Variants in KCNJ3 observed in about 807,000 individuals in gnomAD.
KCNJ3 encodes the protein G protein-activated inward rectifier potassium channel 1.
A neutral mutation model predicts 39.2 loss-of-function variants in KCNJ3; 4 were observed. The observed-to-expected ratio is 0.10, with a 90% CI of 0.05 to 0.23. The LOEUF (loss-of-function observed/expected upper bound fraction) is 0.23, where lower values mean the gene tolerates loss of function less well. Among genes scored for constraint, KCNJ3 ranks in the 10% least tolerant of loss-of-function variants. The probability of loss-of-function intolerance (pLI) is 1.00; values close to 1 mark genes in which losing one functional copy is unlikely to be tolerated. For synonymous variants in KCNJ3, 230 were observed against 237.4 expected (o/e 0.97, Z 0.29); for missense variants, 276 against 634.9 (o/e 0.43, Z 6.08).
chr2:154,768,583 A>G (rs6751331), intron 2 of KCNJ3, among the ~76,000 whole-genome samples: 53,241 of 151,986 alleles, frequency 0.35, 10,113 homozygotes, highest in Non-Finnish European at 0.43. Context: ...TGTTTTGGTT[A>G]CTGTAGCCTT....
At chr2:154,746,145 G>A (rs774373347) in intron 2 of KCNJ3, among the ~76,000 whole-genome samples, 36 of 151,814 alleles carry the variant, frequency 2.4e-4, no homozygotes, top group Non-Finnish European at 4.0e-4. Flanking sequence ...TCTCTTCCTC[G>A]TGATGGTTTT....
chr2:154,768,795 G>T (rs904163491), intron 2 of KCNJ3, among the ~76,000 whole-genome samples: 1 of 152,130 alleles, frequency 6.6e-6, no homozygotes, highest in African/African-American at 2.4e-5. Flanking sequence ...CCATTTTCAC[G>T]ATATTGATTC....
At chr2:154,784,574 C>A (rs781316776) in intron 2 of KCNJ3, among the ~76,000 whole-genome samples, 8 of 151,972 alleles carry the variant, frequency 5.3e-5, no homozygotes, top group Non-Finnish European at 1.0e-4. Flanking sequence ...GTAGAGACAG[C>A]GTTTCACCAT....
chr2:154,728,240 G>A (rs952638836), intron 2 of KCNJ3, among the ~76,000 whole-genome samples: 3 of 151,926 alleles, frequency 2.0e-5, no homozygotes, highest in East Asian at 1.9e-4. Context: ...GGTTATAGCC[G>A]GTAAAATTAC....
chr2:154,793,627 A>G (rs1319421695), intron 2 of KCNJ3, among the ~76,000 whole-genome samples: 1 of 152,108 alleles, frequency 6.6e-6, no homozygotes, highest in African/African-American at 2.4e-5. Context: ...CTGTATCTGT[A>G]GTTTAAAACA....
chr2:154,827,029 T>G (rs1687283330), intron 2 of KCNJ3, among the ~76,000 whole-genome samples: 1 of 152,194 alleles, frequency 6.6e-6, no homozygotes, highest in Admixed American at 6.5e-5. Flanking sequence ...TGTCTCTGTT[T>G]AGCTGAGCGT....
At chr2:154,790,164 A>C (rs996029464) in intron 2 of KCNJ3, among the ~76,000 whole-genome samples, 1 of 152,052 alleles carries the variant, frequency 6.6e-6, no homozygotes, top group Admixed American at 6.6e-5. Context: ...CAAAAATAGC[A>C]CAGTGTTCAA....
intron 2 of KCNJ3, among the ~76,000 whole-genome samples, chr2:154,751,580 T>C (rs1685845627): frequency 6.6e-6 from 1 of 152,114 alleles, no homozygotes; most frequent in Non-Finnish European, 1.5e-5. Flanking sequence ...GGCTGAAAGG[T>C]TAAAGCAGTC....
intron 2 of KCNJ3, among the ~76,000 whole-genome samples, chr2:154,743,987 T>G (rs1685695748): frequency 1.3e-5 from 2 of 151,730 alleles, no homozygotes; most frequent in South Asian, 4.2e-4. Context: ...TAGACATTCT[T>G]TATAAAGTTG....
At chr2:154,845,850 G>T (rs1251494151) in intron 2 of KCNJ3, among the ~76,000 whole-genome samples, 1 of 151,900 alleles carries the variant, frequency 6.6e-6, no homozygotes, top group African/African-American at 2.4e-5. Flanking sequence ...TGTGCCTGTA[G>T]TCTTAGCTAC....
intron 2 of KCNJ3, among the ~76,000 whole-genome samples, chr2:154,765,444 A>C (rs1212348416): frequency 6.6e-6 from 1 of 152,176 alleles, no homozygotes; most frequent in Non-Finnish European, 1.5e-5. Context: ...TGTAAAGCCC[A>C]AAAAGAAGTG....
chr2:154,855,327 T>C lies in KCNJ3; in HGVS notation c.*14T>C, dbSNP rs1400332065. 1.3e-6 allele frequency: 2 copies of C among 1,510,070 alleles called. No individual in the cohort carries two copies. The allele number at this position is 1,510,070 out of a possible 1,614,324, so 93.5% of individuals were successfully genotyped here. A position where few individuals can be genotyped will look rare whatever the true frequency, so the allele number is the denominator to read the frequency against. On this transcript the variant is annotated 3_prime_UTR_variant, in exon 3 of 3. Coordinates refer to ENST00000295101, the MANE Select transcript of KCNJ3 (RefSeq NM_002239.4). Reference sequence around the variant, plus strand: ...CGCTTCACATAACAAAGCACTCCCTTAGGCATTATTTAATGTTTGATTTAG... The same window carrying C: ...CGCTTCACATAACAAAGCACTCCCTCAGGCATTATTTAATGTTTGATTTAG...
intron 2 of KCNJ3, among the ~76,000 whole-genome samples, chr2:154,824,298 T>C (rs963438853): frequency 2.0e-5 from 3 of 152,090 alleles, no homozygotes; most frequent in African/African-American, 7.2e-5. Context: ...ATCGCGCCAC[T>C]GCACTCCAGT....
At chr2:154,848,828 T>G (rs938920159) in intron 2 of KCNJ3, among the ~76,000 whole-genome samples, 11 of 152,162 alleles carry the variant, frequency 7.2e-5, no homozygotes, top group African/African-American at 2.7e-4. Context: ...CAGGGAGTTG[T>G]GCAGAGTGCC....
chr2:154,748,295 C>T (rs1248708395), intron 2 of KCNJ3, among the ~76,000 whole-genome samples: 1 of 151,672 alleles, frequency 6.6e-6, no homozygotes, highest in Non-Finnish European at 1.5e-5. Flanking sequence ...TGATTTATTT[C>T]CTTCTCTCTT....
chr2:154,823,866 C>T (rs1687224200), intron 2 of KCNJ3, among the ~76,000 whole-genome samples: 1 of 151,958 alleles, frequency 6.6e-6, no homozygotes, highest in Non-Finnish European at 1.5e-5. Flanking sequence ...CGTCTTTGAT[C>T]TTATGACTTT....
intron 2 of KCNJ3, among the ~76,000 whole-genome samples, chr2:154,780,036 A>G (rs1314244832): frequency 1.3e-5 from 2 of 152,202 alleles, no homozygotes; most frequent in South Asian, 2.1e-4. Flanking sequence ...CACTCTAATA[A>G]CAGTATGTCA....
chr2:154,847,028 A>G (rs1438783804), intron 2 of KCNJ3, among the ~76,000 whole-genome samples: 1 of 152,174 alleles, frequency 6.6e-6, no homozygotes, highest in Non-Finnish European at 1.5e-5. Context: ...AATGCATGCC[A>G]GAACCTTCTA....
At chr2:154,753,811 A>G (rs1295826836) in intron 2 of KCNJ3, among the ~76,000 whole-genome samples, 1 of 152,162 alleles carries the variant, frequency 6.6e-6, no homozygotes, top group Non-Finnish European at 1.5e-5. Context: ...AGATTTGTTC[A>G]TTTATTCAAG....
Sources: allele counts gnomAD v4.1 joint callset (sites outside exome capture counted in the v4.1 genomes callset), GRCh38; gene constraint gnomAD v4.1.1; transcripts MANE v1.5; gene names NCBI Gene and HGNC (gene_info 2026-07-23, HGNC 2026-07-21).